Variants in ADAMTS2 observed in about 807,000 individuals in gnomAD.
The protein encoded by ADAMTS2 is ADAM metallopeptidase with thrombospondin type 1 motif 2.
ADAMTS2 carries 50 observed loss-of-function variants against 123.0 expected under a neutral mutation model. The observed-to-expected ratio is 0.41, with a 90% CI of 0.32 to 0.51. The LOEUF is 0.51. Among genes scored for constraint, ADAMTS2 ranks in the 20% least tolerant of loss-of-function variants. The pLI is 0.35. For synonymous variants in ADAMTS2, 678 were observed against 695.4 expected, an observed-to-expected ratio of 0.98 and a Z score of 0.39; for missense variants, 1,494 against 1,705.2, an observed-to-expected ratio of 0.88 and a Z score of 2.18.
intron 10 of ADAMTS2, among the ~76,000 whole-genome samples, chr5:179,148,652 C>T (rs1222640716): frequency 2.0e-5 from 3 of 152,190 alleles, no homozygotes; most frequent in Non-Finnish European, 4.4e-5. Context: ...GCTCCCCTCC[C>T]GTGCTTCCTT....
intron 10 of ADAMTS2, among the ~76,000 whole-genome samples, chr5:179,146,334 G>A (rs1398347690): frequency 1.3e-5 from 2 of 152,064 alleles, no homozygotes; most frequent in Non-Finnish European, 2.9e-5. Context: ...TATGGGTGAC[G>A]CCATCTGAAC....
chr5:179,330,402 A>G (rs1202501344), intron 2 of ADAMTS2, among the ~76,000 whole-genome samples: 2 of 152,210 alleles, frequency 1.3e-5, no homozygotes. Flanking sequence ...CCCAAAGGCC[A>G]CAGCGTAGTC....
chr5:179,297,822 C>G (rs1328372718), intron 2 of ADAMTS2, among the ~76,000 whole-genome samples: 1 of 152,170 alleles, frequency 6.6e-6, no homozygotes, highest in Admixed American at 6.5e-5. Context: ...TCGGCCTCCT[C>G]CTCTCTAAAG....
At chr5:179,134,533 G>A (rs1234885066) in intron 13 of ADAMTS2, among the ~76,000 whole-genome samples, 1 of 152,174 alleles carries the variant, frequency 6.6e-6, no homozygotes, top group Non-Finnish European at 1.5e-5. Context: ...AGCCCTCTCA[G>A]TGACATTGGC....
intron 4 of ADAMTS2, among the ~76,000 whole-genome samples, chr5:179,198,456 C>G (rs1348142310): frequency 6.6e-6 from 1 of 152,208 alleles, no homozygotes; most frequent in Non-Finnish European, 1.5e-5. Context: ...CATCTCTGAC[C>G]AGGCTAAGGG....
At position 179,233,084 on chromosome 5, in the gene ADAMTS2, T is replaced by C. The variant is rs530051219; in HGVS notation, c.689-25369A>G. 1.1e-4 allele frequency among the ~76,000 whole-genome samples: 16 copies of C among 152,336 alleles called. No individual in the cohort carries two copies. In the Middle Eastern group the frequency reaches 0.01, roughly 97 times the overall value. On this transcript the variant is annotated intron_variant, in intron 3 of 21. Coordinates refer to ENST00000251582, the MANE Select transcript of ADAMTS2 (RefSeq NM_014244.5). Reference sequence around the variant, plus strand: ...AAGGCTGCTGACAAATAACTACTGTTCTGAGAAATCACCACTGTTTACTGG... The same window carrying C: ...AAGGCTGCTGACAAATAACTACTGTCCTGAGAAATCACCACTGTTTACTGG...
At chr5:179,322,446 C>T (rs565552298) in intron 2 of ADAMTS2, among the ~76,000 whole-genome samples, 1 of 152,206 alleles carries the variant, frequency 6.6e-6, no homozygotes, top group Non-Finnish European at 1.5e-5. Context: ...CACCCAGGTC[C>T]GCACTACAGG....
intron 5 of ADAMTS2, among the ~76,000 whole-genome samples, chr5:179,172,458 G>A (rs1763842480): frequency 6.6e-6 from 1 of 152,270 alleles, no homozygotes; most frequent in African/African-American, 2.4e-5. Context: ...GGGCCAAGGA[G>A]GCCCTGGCCA....
intron 2 of ADAMTS2, among the ~76,000 whole-genome samples, chr5:179,330,112 G>A (rs1244327015): frequency 5.9e-5 from 8 of 135,222 alleles, no homozygotes; most frequent in South Asian, 2.4e-4. Flanking sequence ...CGGCCTGGGC[G>A]ACAGAGCGAG....
Position 179,234,928 on chromosome 5 carries a change from G to A in ADAMTS2, c.689-27213C>T, listed in dbSNP as rs1765490363. 6.6e-6 allele frequency among the ~76,000 whole-genome samples: 1 copy of A among 152,158 alleles called. No homozygotes were observed. Among genetic ancestry groups the A allele is most frequent in the Non-Finnish European group, 1.5e-5 (1 of 68,034 alleles). ...CGGGAGTGCGAGCACACTGGCTAGGGCCTCCTGATGGGCCTGACCTGCCTG... is the reference window on the plus strand; with the variant it reads ...CGGGAGTGCGAGCACACTGGCTAGGACCTCCTGATGGGCCTGACCTGCCTG... On this transcript the variant is annotated intron_variant, in intron 3 of 21. Transcript: ENST00000251582. This position sits in a 1 kb window ranked among gnomAD's most constrained non-coding sequence, Gnocchi z 4.7.
At chr5:179,252,259 C>G (rs2113470927) in intron 3 of ADAMTS2, among the ~76,000 whole-genome samples, 1 of 152,222 alleles carries the variant, frequency 6.6e-6, no homozygotes, top group East Asian at 1.9e-4. Context: ...ATCCATCCGC[C>G]TCAGACTCCC....
intron 2 of ADAMTS2, among the ~76,000 whole-genome samples, chr5:179,310,003 T>C (rs1372767463): frequency 6.6e-6 from 1 of 152,154 alleles, no homozygotes; most frequent in Non-Finnish European, 1.5e-5. Context: ...AGGGAGGCCT[T>C]GGGAGTAGCC....
At chr5:179,153,698 C>T (rs1763412041) in intron 8 of ADAMTS2, 75 bp from the exon 9 acceptor site, 4 of 1,528,488 alleles carry the variant, frequency 2.6e-6, no homozygotes, top group Middle Eastern at 2.0e-4. Context: ...CAGCTGAGGC[C>T]CCTGCTGGAG....
chr5:179,316,529 T>C (rs1484976986), intron 2 of ADAMTS2, among the ~76,000 whole-genome samples: 1 of 151,730 alleles, frequency 6.6e-6, no homozygotes, highest in Non-Finnish European at 1.5e-5. Flanking sequence ...AGGGATGGCA[T>C]TTGAGACCTT....
chr5:179,329,102 C>A (rs191879502), intron 2 of ADAMTS2, among the ~76,000 whole-genome samples: 1 of 151,966 alleles, frequency 6.6e-6, no homozygotes, highest in Non-Finnish European at 1.5e-5. Context: ...CCAAGGAGGG[C>A]GGATCACGAG....
chr5:179,310,938 C>A (rs1353982235), intron 2 of ADAMTS2, among the ~76,000 whole-genome samples: 1 of 152,068 alleles, frequency 6.6e-6, no homozygotes, highest in Admixed American at 6.5e-5. Context: ...CCCACCTGCC[C>A]CTGCCTGCCC....
At chr5:179,171,142 G>T (rs771793581) in intron 5 of ADAMTS2, among the ~76,000 whole-genome samples, 1 of 152,180 alleles carries the variant, frequency 6.6e-6, no homozygotes, top group African/African-American at 2.4e-5. Context: ...CATTTATAAC[G>T]TATGGTACGG....
chr5:179,223,706 GCACA>G (rs903936416), intron 3 of ADAMTS2, among the ~76,000 whole-genome samples: 1 of 152,158 alleles, frequency 6.6e-6, no homozygotes, highest in Non-Finnish European at 1.5e-5. Flanking sequence ...GCTCTTACAT[GCACA>G]CAAACGCACA....
At chr5:179,136,689 G>C (rs1244718440) in intron 12 of ADAMTS2, among the ~76,000 whole-genome samples, 3 of 139,184 alleles carry the variant, frequency 2.2e-5, no homozygotes, top group Non-Finnish European at 4.6e-5. Context: ...AAAAAAAAAA[G>C]GCCAGGAGCA....
Sources: allele counts gnomAD v4.1 joint callset (sites outside exome capture counted in the v4.1 genomes callset), GRCh38; gene constraint gnomAD v4.1.1; non-coding constraint Gnocchi (gnomAD v3.1); transcripts MANE v1.5; gene names NCBI Gene and HGNC (gene_info 2026-07-23, HGNC 2026-07-21).